Variants in ADGRV1 observed in about 807,000 individuals in gnomAD.
ADGRV1 encodes G-protein coupled receptor 98.
In ADGRV1, 359 loss-of-function variants were observed where a neutral mutation model predicts 596.2. The observed-to-expected ratio is 0.60, with a 90% CI of 0.55 to 0.66. The LOEUF is 0.66. Among genes scored for constraint, ADGRV1 ranks in the 30% least tolerant of loss-of-function variants. The pLI is 0.00. For synonymous variants in ADGRV1, 2,681 were observed against 2,679.2 expected (o/e 1.00, Z -0.02); for missense variants, 7,274 against 7,575.6 (o/e 0.96, Z 1.48).
At chr5:90,912,902 C>T (rs1412240889) in intron 83 of ADGRV1, among the ~76,000 whole-genome samples, 1 of 152,308 alleles carries the variant, frequency 6.6e-6, no homozygotes, top group South Asian at 2.1e-4. Flanking sequence ...ATTAAGTCCA[C>T]TTCTCAATCC....
At chr5:90,662,689 C>A (rs1770565533) in intron 21 of ADGRV1, among the ~76,000 whole-genome samples, 1 of 151,418 alleles carries the variant, frequency 6.6e-6, no homozygotes. Context: ...TATACGTGTG[C>A]CATGCTGGTG....
At chr5:90,930,522 C>G (rs1035870685) in intron 83 of ADGRV1, among the ~76,000 whole-genome samples, 1 of 152,054 alleles carries the variant, frequency 6.6e-6, no homozygotes, top group Admixed American at 6.5e-5. Flanking sequence ...GAATTCTTGT[C>G]AATGAAACAG....
intron 87 of ADGRV1, among the ~76,000 whole-genome samples, chr5:91,113,207 G>T (rs1792533600): frequency 6.6e-6 from 1 of 152,112 alleles, no homozygotes; most frequent in Non-Finnish European, 1.5e-5. Flanking sequence ...GCTCAAGCAG[G>T]TAACTTCTAT....
intron 85 of ADGRV1, among the ~76,000 whole-genome samples, chr5:91,066,385 A>T (rs531247663): frequency 2.3e-4 from 35 of 152,288 alleles, no homozygotes; most frequent in African/African-American, 8.4e-4. Flanking sequence ...GACTGGAGGA[A>T]ATTCTGGTTG....
intron 87 of ADGRV1, among the ~76,000 whole-genome samples, chr5:91,145,633 A>ATTATTATTG (rs1795473369): frequency 6.7e-6 from 1 of 149,356 alleles, no homozygotes; most frequent in Non-Finnish European, 1.5e-5. Context: ...AATTTAGAAT[A>ATTATTATTG]TTATTATTGT....
At chr5:90,736,937 T>G (rs1753306071) in intron 50 of ADGRV1, among the ~76,000 whole-genome samples, 1 of 151,720 alleles carries the variant, frequency 6.6e-6, no homozygotes, top group African/African-American at 2.4e-5. Context: ...TATTTTTTTC[T>G]ATTGTTTTTC....
Position 90,778,859 on chromosome 5 carries a change from G to T in ADGRV1, c.12850-6G>T, listed in dbSNP as rs948488633. ...CAAATCAAATAAGAAAATGCATTTT[G>T]CATAGGTTAACATCACAATCATCCG... On this transcript the variant is annotated splice_polypyrimidine_tract_variant and splice_region_variant and intron_variant, in intron 63 of 89. Coordinates refer to ENST00000405460, the MANE Select transcript of ADGRV1 (RefSeq NM_032119.4). 6.2e-7 allele frequency: 1 copy of T among 1,600,422 alleles called. No homozygotes were observed. The highest frequency in any genetic ancestry group is 1.3e-5 in the African/African-American group (1 of 74,668).
chr5:90,783,447 T>A, intron 66 of ADGRV1, 122 bp downstream of exon 66: 1 of 736,034 alleles, frequency 1.4e-6, no homozygotes, highest in Non-Finnish European at 2.3e-6. Flanking sequence ...AAACAACAGG[T>A]GAAATACTTT....
chr5:91,043,645 G>A (rs1305423082), intron 85 of ADGRV1, among the ~76,000 whole-genome samples: 2 of 152,118 alleles, frequency 1.3e-5, no homozygotes, highest in African/African-American at 2.4e-5. Context: ...TAGGATTATT[G>A]TGAGGATTAA....
chr5:90,880,931 A>C (rs150833375), intron 83 of ADGRV1, among the ~76,000 whole-genome samples: 2 of 152,322 alleles, frequency 1.3e-5, no homozygotes, highest in African/African-American at 4.8e-5. Context: ...TCCTAATCAA[A>C]GACTGCATTA....
Position 90,675,414 on chromosome 5 carries a change from C to G in ADGRV1, c.5282C>G (p.Ser1761Cys), listed in dbSNP as rs200392821. Reference protein sequence around the residue: ...GRVTAEFRTVSLTAFSPEDYQ... With the variant: ...GRVTAEFRTVCLTAFSPEDYQ... ...GTGACTGCGGAATTTAGAACAGTGT[C>G]CTTGACAGCATTCAGTCCTGAGGAT... Residue 1761 changes from serine (S) to cysteine (C), a missense_variant, in exon 24 of 90, where the codon TCC becomes TGC. Ser to Cys is a moderately radical substitution (Grantham distance 112). Coordinates refer to ENST00000405460, the MANE Select transcript of ADGRV1 (RefSeq NM_032119.4). 1.2e-4 allele frequency: 192 copies of G among 1,613,632 alleles called. No homozygotes were observed. In the African/African-American group the frequency reaches 2.4e-3, roughly 20 times the overall value.
chr5:90,714,816 T>G (rs948138644), intron 42 of ADGRV1, among the ~76,000 whole-genome samples: 1 of 152,208 alleles, frequency 6.6e-6, no homozygotes, highest in African/African-American at 2.4e-5. Flanking sequence ...ATTTGCCTAT[T>G]TATGTGCTAA....
chr5:90,651,061 A>G (rs1029274399), intron 17 of ADGRV1, among the ~76,000 whole-genome samples: 5 of 152,194 alleles, frequency 3.3e-5, no homozygotes, highest in Non-Finnish European at 7.4e-5. Context: ...AGCCCAAACC[A>G]TGGAGACTAC....
chr5:90,749,977 G>T (rs1235651520), intron 52 of ADGRV1, among the ~76,000 whole-genome samples: 1 of 152,212 alleles, frequency 6.6e-6, no homozygotes, highest in Non-Finnish European at 1.5e-5. Context: ...AGAGCCCACA[G>T]AAACATTTCC....
rs559256499 is a variant in ADGRV1, at chr5:90,841,622, A to G, written c.17019+637A>G. Among the ~76,000 whole-genome samples the G allele has an allele frequency of 2.6e-5, 4 of 152,270 alleles. No individual in the cohort carries two copies. The South Asian group carries it at 8.3e-4, about 32-fold the overall frequency. On this transcript the variant is annotated intron_variant, in intron 78 of 89. Transcript: ENST00000405460. ...AGAATATAAATTTTGAAAGATATCT[A>G]TAAAGTTATTACTTAAAAAAAAAGC...
intron 83 of ADGRV1, among the ~76,000 whole-genome samples, chr5:90,925,437 A>G (rs376975186): frequency 6.6e-6 from 1 of 151,998 alleles, no homozygotes; most frequent in South Asian, 2.1e-4. Context: ...CTGTTTGTCT[A>G]TTATTGGTGT....
At chr5:90,930,091 T>G (rs1177088802) in intron 83 of ADGRV1, among the ~76,000 whole-genome samples, 1 of 152,216 alleles carries the variant, frequency 6.6e-6, no homozygotes, top group Non-Finnish European at 1.5e-5. Flanking sequence ...TTGTTGTTTC[T>G]TTTTAAAAAA....
chr5:91,032,490 C>T (rs1784558791), intron 85 of ADGRV1, among the ~76,000 whole-genome samples: 1 of 151,854 alleles, frequency 6.6e-6, no homozygotes, highest in African/African-American at 2.4e-5. Flanking sequence ...TTTATTTCAC[C>T]AATATTGGCT....
Position 91,035,861 on chromosome 5 carries a change from T to TATATAATATA in ADGRV1, c.18153-36586_18153-36585insATATAATATA. Among the ~76,000 whole-genome samples, 19 of 96,382 alleles carry TATATAATATA rather than the reference T, an allele frequency of 2.0e-4. 1 individual carries two copies. Among genetic ancestry groups the TATATAATATA allele is most frequent in the African/African-American group, 2.7e-4 (7 of 26,324 alleles). 63.2% of individuals were successfully genotyped at this position (96,382 alleles called of 152,430 possible). A position where few individuals can be genotyped will look rare whatever the true frequency, so the allele number is the denominator to read the frequency against. On this transcript the variant is annotated intron_variant, in intron 85 of 89. Transcript: ENST00000405460. The stretch of plus-strand genomic sequence containing the variant: ...ATGAGTGTGTATATATATATATATA[T>TATATAATATA]TATATATATATATATATATATCTTA...
Sources: allele counts gnomAD v4.1 joint callset (sites outside exome capture counted in the v4.1 genomes callset), GRCh38; gene constraint gnomAD v4.1.1; transcripts MANE v1.5; gene names NCBI Gene and HGNC (gene_info 2026-07-23, HGNC 2026-07-21).